The following ARFRP1 variants were observed in gnomAD, a reference collection of about 807,000 sequenced individuals.
The protein encoded by ARFRP1 is ARF related protein 1.
In ARFRP1, 19 loss-of-function variants were observed where a neutral mutation model predicts 30.3. The observed-to-expected ratio is 0.63, with a 90% CI of 0.44 to 0.92. The LOEUF is 0.92. Ranked by LOEUF, ARFRP1 falls within the 40% of genes least tolerant of loss-of-function variation. The pLI is 0.00. For missense variants in ARFRP1, 245 were observed against 267.5 expected (o/e 0.92, Z 0.59); for synonymous variants, 133 against 114.2 (o/e 1.16, Z -1.05).
chr20:63,704,001 G>C (rs1029959963), intron 4 of ARFRP1: 2 of 152,304 alleles, frequency 1.3e-5, no homozygotes, highest in Admixed American at 1.3e-4. Context: ...CTGTGGGTCT[G>C]AGTTTTTCTC....
In ARFRP1 at chr20:63,700,524, C is replaced by T. The variant is rs1242918369; in HGVS notation, c.525G>A (p.Gly175=). ...TQACSALTGK[G]VREGIEWMVK... The stretch of plus-strand genomic sequence containing the variant: ...CCATCCACTCGATGCCCTCGCGCAC[C>T]CCTTTGCTGTGAAGACAGCGGGTGT... The change falls in exon 8 of 8, where the codon GGG becomes GGA. Residue 175 remains glycine (G), a synonymous_variant. Coordinates refer to ENST00000622789, the MANE Select transcript of ARFRP1 (RefSeq NM_001267547.3). 6.2e-7 allele frequency: 1 copy of T among 1,610,814 alleles called. No homozygotes were observed. The highest frequency in any genetic ancestry group is 1.3e-5 in the African/African-American group (1 of 74,914).
chr20:63,701,016 G>A (rs1006690113), intron 6 of ARFRP1, among the ~76,000 whole-genome samples: 7 of 152,162 alleles, frequency 4.6e-5, no homozygotes, highest in East Asian at 1.9e-4. Flanking sequence ...GGGCAGTGGC[G>A]GAGGCAGGTC....
At chr20:63,700,565 G>A (rs569900792) in intron 7 of ARFRP1, 35 bp from the exon 8 acceptor site, 43 of 1,610,250 alleles carry the variant, frequency 2.7e-5, no homozygotes, top group Non-Finnish European at 3.3e-5. Context: ...GGGGGGTCTC[G>A]GTCCCCAAAG....
Position 63,700,256 on chromosome 20 carries a change from C to G in ARFRP1, c.*187G>C. On this transcript the variant is annotated 3_prime_UTR_variant, in exon 8 of 8. Coordinates refer to ENST00000622789, the MANE Select transcript of ARFRP1 (RefSeq NM_001267547.3). Reference sequence around the variant, plus strand: ...GGGCCAGCCGGGCTGCCAGACTCCCCTCCAAAGCCTCCGGATGCCTACGCT... The same window carrying G: ...GGGCCAGCCGGGCTGCCAGACTCCCGTCCAAAGCCTCCGGATGCCTACGCT... 1 of 894,282 alleles carries G rather than the reference C, an allele frequency of 1.1e-6. No homozygotes were observed. Among genetic ancestry groups the G allele is most frequent in the Non-Finnish European group, 1.7e-6 (1 of 603,504 alleles). 55.4% of individuals were successfully genotyped at this position (894,282 alleles called of 1,614,324 possible).
At chr20:63,706,587 T>G (rs145809158) in intron 3 of ARFRP1, 64 bp downstream of exon 3, 1 of 1,532,806 alleles carries the variant, frequency 6.5e-7, no homozygotes, top group East Asian at 2.3e-5. Context: ...ACGGGCCAGC[T>G]GGACTGTGAA....
rs2091077893 is a variant in ARFRP1 at position 63,699,346 on chromosome 20, A to C, written c.*1097T>G. Reference sequence around the variant, plus strand: ...CCCCTTCCCAGCAGCTCCTCCCAGGACCCCATGTCCTTCCCACATCCGCAG... The same window carrying C: ...CCCCTTCCCAGCAGCTCCTCCCAGGCCCCCATGTCCTTCCCACATCCGCAG... On this transcript the variant is annotated 3_prime_UTR_variant, in exon 8 of 8. Coordinates refer to ENST00000622789, the MANE Select transcript of ARFRP1 (RefSeq NM_001267547.3). 1 of 151,488 alleles carries C rather than the reference A, an allele frequency of 6.6e-6. No individual in the cohort carries two copies. The highest frequency in any genetic ancestry group is 2.1e-4 in the South Asian group (1 of 4,776). 9.4% of individuals were successfully genotyped at this position (151,488 alleles called of 1,614,324 possible). A position where few individuals can be genotyped will look rare whatever the true frequency, so the allele number is the denominator to read the frequency against.
At chr20:63,702,311 A>C in intron 4 of ARFRP1, 94 bp from the exon 5 acceptor site, 1 of 1,240,794 alleles carries the variant, frequency 8.1e-7, no homozygotes, top group Non-Finnish European at 1.2e-6. Context: ...AGGGGCTCAC[A>C]TGAGGAAGGG....
intron 6 of ARFRP1, chr20:63,701,174 G>A (rs1307016229): frequency 4.0e-6 from 2 of 498,164 alleles, no homozygotes; most frequent in East Asian, 5.9e-5. Context: ...TCCGAGGGGA[G>A]ACCCCTGCCC....
intron 4 of ARFRP1, chr20:63,705,601 G>A (rs1428655118): frequency 1.9e-6 from 1 of 521,714 alleles, no homozygotes; most frequent in South Asian, 1.4e-5. Context: ...GGTGATCATG[G>A]AAGAACAAAT....
rs574377812 is a variant in ARFRP1, at chr20:63,706,427, T to A, written c.194A>T (p.Asp65Val). 1.2e-6 allele frequency: 2 copies of A among 1,613,336 alleles called. No individual in the cohort carries two copies. The highest frequency in any genetic ancestry group is 1.7e-4 in the Middle Eastern group (1 of 6,056). ...GAACATGAGCCGAGCCTTTCCCACA[T>A]CCACAGTGCCGACTGGGGAGAGGAG... is the stretch of plus-strand genomic sequence containing the variant. Reference protein sequence around the residue: ...TTVGLNIGTVDVGKARLMFWD... With the variant: ...TTVGLNIGTVVVGKARLMFWD... The change falls in exon 4 of 8, where the codon GAT (aspartate) becomes GTT (valine). Residue 65 changes from aspartate to valine, a missense_variant. Transcript: ENST00000622789.
intron 6 of ARFRP1, 149 bp from the exon 7 acceptor site, chr20:63,700,851 G>A: frequency 9.2e-7 from 1 of 1,083,356 alleles, no homozygotes; most frequent in Admixed American, 2.4e-5. Context: ...AGAGACCACA[G>A]CAGTGAGGAC....
rs767069044 is a variant in ARFRP1 at position 63,702,154 on chromosome 20, C to T, written c.328G>A (p.Glu110Lys). The T allele has an allele frequency of 8.7e-6, 14 of 1,611,910 alleles. No individual in the cohort carries two copies. In the East Asian group the frequency reaches 2.9e-4, roughly 33 times the overall value. ...IDSTDEERLA[E>K]SKQAFEKVVT... is the part of the protein sequence containing the mutation. ...CACTCACCAAACGCCTGCTTGGACT[C>T]AGCCAGCCTCTCCTCGTCGGTGGAG... The change falls in exon 5 of 8, where the codon GAG becomes AAG. Residue 110 changes from glutamate to lysine, a missense_variant. Transcript: ENST00000622789.
intron 6 of ARFRP1, chr20:63,700,922 A>ACGGCTCCAAGGAGTCCACC: frequency 1.6e-6 from 1 of 623,536 alleles, no homozygotes; most frequent in Non-Finnish European, 2.7e-6. Flanking sequence ...AGACGTCCAC[A>ACGGCTCCAAGGAGTCCACC]CGGCTCCAAG....
rs2091577111 is a variant in ARFRP1 at position 63,707,906 on chromosome 20, C to CCGCTGACCTCCG, written c.-58_-47dup. ...CCCTCGGAGCCGCTGCTGCTGACCCCCGCTGACCTCCGCTGACCCCGCGCT... is the reference window on the plus strand; with the variant it reads ...CCCTCGGAGCCGCTGCTGCTGACCCCCGCTGACCTCCGCGCTGACCTCCGCTGACCCCGCGCT... On this transcript the variant is annotated 5_prime_UTR_variant, in exon 1 of 8. Transcript: ENST00000622789. 1 of 152,556 alleles carries CCGCTGACCTCCG rather than the reference C, an allele frequency of 6.6e-6. No homozygotes were observed. Among genetic ancestry groups the CCGCTGACCTCCG allele is most frequent in the Non-Finnish European group, 1.5e-5 (1 of 68,362 alleles). The allele number at this position is 152,556 out of a possible 1,614,324, so 9.5% of individuals were successfully genotyped here. A position where few individuals can be genotyped will look rare whatever the true frequency, so the allele number is the denominator to read the frequency against.
intron 2 of ARFRP1, 38 bp from the exon 3 acceptor site, chr20:63,706,776 G>T: frequency 1.3e-6 from 2 of 1,492,444 alleles, no homozygotes; most frequent in Non-Finnish European, 1.9e-6. Context: ...ATCAAGGAGG[G>T]GCTATACTGG....
intron 6 of ARFRP1, 187 bp from the exon 7 acceptor site, chr20:63,700,889 G>C: frequency 2.7e-6 from 2 of 749,314 alleles, no homozygotes; most frequent in South Asian, 3.7e-5. Flanking sequence ...GCTGAACATG[G>C]CTGGTAGTGC....
rs763805240 is a variant in ARFRP1 at position 63,700,471 on chromosome 20, C to A, written c.578G>T (p.Arg193Leu). ...MVKCVVRNVH[R>L]PPRQRDIT ...CGTGATGTCCCTCTGCCGCGGCGGC[C>A]GGTGCACATTCCGCACGACACACTT... The change falls in exon 8 of 8, where the codon CGG (arginine) becomes CTG (leucine). Residue 193 changes from arginine (R) to leucine (L), a missense_variant. Physicochemically the swap from Arg to Leu is moderately radical, Grantham distance 102 (BLOSUM62 -2). Coordinates refer to ENST00000622789, the MANE Select transcript of ARFRP1 (RefSeq NM_001267547.3). The A allele has an allele frequency of 1.6e-5, 25 of 1,609,788 alleles. No homozygotes were observed. Among genetic ancestry groups the A allele is most frequent in the Non-Finnish European group, 2.1e-5 (25 of 1,179,858 alleles).
chr20:63,706,098 C>T (rs1201162233), intron 4 of ARFRP1: 7 of 442,312 alleles, frequency 1.6e-5, no homozygotes, highest in Non-Finnish European at 3.0e-5. Flanking sequence ...GTGATTCTTT[C>T]CCTGGAATTC....
rs201543211 is a variant in ARFRP1 at position 63,700,613 on chromosome 20, C to T, written c.507G>A (p.Ser169=). 99 of 1,610,576 alleles carry T rather than the reference C, an allele frequency of 6.1e-5. No individual in the cohort carries two copies. The highest frequency in any genetic ancestry group is 2.7e-4 in the Admixed American group (16 of 59,996). Residue 169 remains serine (S), a synonymous_variant, in exon 7 of 8, where the codon TCG becomes TCA. Coordinates refer to ENST00000622789, the MANE Select transcript of ARFRP1 (RefSeq NM_001267547.3). ...CAGCCCCCACTCACCCTGTGAGGGCCGAGCAGGCCTGGGTCAGGCAATCTC... is the reference window on the plus strand; with the variant it reads ...CAGCCCCCACTCACCCTGTGAGGGCTGAGCAGGCCTGGGTCAGGCAATCTC... ...GRRDCLTQAC[S]ALTGKGVREG... is the part of the protein sequence containing the mutation.
Sources: allele counts gnomAD v4.1 joint callset (sites outside exome capture counted in the v4.1 genomes callset), GRCh38; gene constraint gnomAD v4.1.1; transcripts MANE v1.5; gene names NCBI Gene and HGNC (gene_info 2026-07-23, HGNC 2026-07-21).